TBC1D5: variants seen among roughly 807,000 people sequenced by gnomAD.
The protein encoded by TBC1D5 is TBC1 domain family member 5.
TBC1D5 carries 75 observed loss-of-function variants against 100.3 expected under a neutral mutation model. The ratio of observed to expected loss-of-function variants is 0.75; its 90% CI spans 0.62 to 0.91. The LOEUF (loss-of-function observed/expected upper bound fraction) is 0.91. Among genes scored for constraint, TBC1D5 ranks in the 40% least tolerant of loss-of-function variants. The pLI is 0.00. For missense variants in TBC1D5, 910 were observed against 942.4 expected (o/e 0.97, Z 0.45); for synonymous variants, 323 against 325.6 (o/e 0.99, Z 0.09).
chr3:17,338,083 T>A (rs7622831), intron 13 of TBC1D5, among the ~76,000 whole-genome samples: 1 of 152,102 alleles, frequency 6.6e-6, no homozygotes, highest in African/African-American at 2.4e-5. Context: ...TAAAACAAAC[T>A]GAATAACACG....
At chr3:17,426,947 A>G (rs1374399469) in intron 4 of TBC1D5, among the ~76,000 whole-genome samples, 1 of 151,988 alleles carries the variant, frequency 6.6e-6, no homozygotes, top group Non-Finnish European at 1.5e-5. Context: ...TAGATTTCAT[A>G]TATTACCATA....
intron 18 of TBC1D5, among the ~76,000 whole-genome samples, chr3:17,186,951 T>G (rs2069198591): frequency 6.6e-6 from 1 of 151,574 alleles, no homozygotes; most frequent in South Asian, 2.1e-4. Flanking sequence ...TTTGGAGAGG[T>G]GGGGTTGTCT....
intron 15 of TBC1D5, among the ~76,000 whole-genome samples, chr3:17,279,233 T>C (rs906641848): frequency 3.9e-5 from 6 of 152,232 alleles, no homozygotes; most frequent in African/African-American, 1.4e-4. Context: ...AGATATCTAG[T>C]GAATCCACAA....
chr3:17,446,743 G>A (rs756128272), intron 3 of TBC1D5, among the ~76,000 whole-genome samples: 5 of 152,182 alleles, frequency 3.3e-5, no homozygotes, highest in African/African-American at 9.6e-5. Context: ...AGGCCGAGGC[G>A]GGTGGATCAC....
intron 16 of TBC1D5, among the ~76,000 whole-genome samples, chr3:17,251,173 G>A (rs1430607475): frequency 1.3e-5 from 2 of 150,928 alleles, no homozygotes; most frequent in East Asian, 2.0e-4. Flanking sequence ...ATTCCCTGGC[G>A]ATTTGTTCAT....
intron 1 of TBC1D5, among the ~76,000 whole-genome samples, chr3:17,701,337 G>A (rs1183038212): frequency 6.6e-6 from 1 of 152,120 alleles, no homozygotes; most frequent in Non-Finnish European, 1.5e-5. Flanking sequence ...GGGGTAGGGG[G>A]CTGGAGGAGA....
At chr3:17,380,061 G>A (rs1244329227) in intron 9 of TBC1D5, among the ~76,000 whole-genome samples, 1 of 147,358 alleles carries the variant, frequency 6.8e-6, no homozygotes, top group Non-Finnish European at 1.5e-5. Context: ...GTGTGTGTGT[G>A]TGTGTGTGTG....
chr3:17,676,526 T>G (rs2068658465), intron 1 of TBC1D5, among the ~76,000 whole-genome samples: 1 of 152,160 alleles, frequency 6.6e-6, no homozygotes, highest in Admixed American at 6.5e-5. Context: ...GGAAGAACAT[T>G]CCATGCTCTT....
At chr3:17,279,415 C>T (rs1412740966) in intron 15 of TBC1D5, among the ~76,000 whole-genome samples, 1 of 152,108 alleles carries the variant, frequency 6.6e-6, no homozygotes, top group African/African-American at 2.4e-5. Context: ...GTCCCCTTTC[C>T]CTTAAGAGAC....
Position 17,555,358 on chromosome 3 carries a change from G to A in TBC1D5, c.-35-46753C>T, listed in dbSNP as rs550643006. Among the ~76,000 whole-genome samples, 43 of 152,232 alleles carry A rather than the reference G, an allele frequency of 2.8e-4. 1 individual carries two copies. The highest frequency in any genetic ancestry group is 2.0e-3 in the Admixed American group (30 of 15,294). On this transcript the variant is annotated intron_variant, in intron 2 of 21. Coordinates refer to ENST00000253692, the Ensembl canonical transcript of TBC1D5. Reference sequence around the variant, plus strand: ...TTTTATACGTTTCAGGGATACATACGACATGAATCAATATATGTGAGGTAT... The same window carrying A: ...TTTTATACGTTTCAGGGATACATACAACATGAATCAATATATGTGAGGTAT...
intron 2 of TBC1D5, among the ~76,000 whole-genome samples, chr3:17,591,811 T>C (rs1369431290): frequency 6.6e-6 from 1 of 152,076 alleles, no homozygotes; most frequent in African/African-American, 2.4e-5. Context: ...AGAAAAATAG[T>C]AAACAAAAAT....
intron 3 of TBC1D5, among the ~76,000 whole-genome samples, chr3:17,446,944 C>G (rs2094812247): frequency 1.3e-5 from 2 of 150,980 alleles, no homozygotes; most frequent in Admixed American, 1.3e-4. Context: ...GCACTCCAGC[C>G]TGGGCGACAG....
chr3:17,443,391 C>T (rs569904546), intron 3 of TBC1D5, among the ~76,000 whole-genome samples: 11 of 152,194 alleles, frequency 7.2e-5, no homozygotes, highest in Non-Finnish European at 1.6e-4. Context: ...TACCATAACT[C>T]ATACCCTATA....
intron 1 of TBC1D5, among the ~76,000 whole-genome samples, chr3:17,696,519 G>A (rs533533757): frequency 7.2e-5 from 11 of 152,150 alleles, no homozygotes; most frequent in Middle Eastern, 3.4e-3. Flanking sequence ...ATGAATTCCT[G>A]GATACATACA....
chr3:17,540,905 CAAAAAAAAAAAAAAAAA>C (rs71634807), intron 2 of TBC1D5, among the ~76,000 whole-genome samples: 1 of 31,458 alleles, frequency 3.2e-5, no homozygotes, highest in African/African-American at 1.8e-4. Context: ...GGCTCCATCT[CAAAAAAAAAAAAAAAAA>C]AAAAAAAAAA....
intron 1 of TBC1D5, among the ~76,000 whole-genome samples, chr3:17,684,512 T>G (rs938635985): frequency 1.3e-5 from 2 of 152,204 alleles, no homozygotes; most frequent in Admixed American, 6.5e-5. Flanking sequence ...GACCATGTTG[T>G]GCATATGGCA....
At position 17,183,089 on chromosome 3, in the gene TBC1D5, T is replaced by G. The variant is rs187163289; in HGVS notation, c.1852+2020A>C. On this transcript the variant is annotated intron_variant, in intron 19 of 21. Transcript: ENST00000253692. Reference sequence around the variant, plus strand: ...ACAACAGTCACTTTGCAACCTCCAGTATGCCTGAGATGAAACTCTCCCCCC... The same window carrying G: ...ACAACAGTCACTTTGCAACCTCCAGGATGCCTGAGATGAAACTCTCCCCCC... 3.5e-4 allele frequency among the ~76,000 whole-genome samples: 53 copies of G among 152,206 alleles called. No homozygotes were observed. The East Asian group carries it at 8.5e-3, about 24-fold the overall frequency.
At chr3:17,319,202 C>T (rs1311486348) in intron 13 of TBC1D5, among the ~76,000 whole-genome samples, 1 of 152,162 alleles carries the variant, frequency 6.6e-6, no homozygotes, top group Non-Finnish European at 1.5e-5. Context: ...AGAACCATCA[C>T]ATAAAACACT....
intron 1 of TBC1D5, among the ~76,000 whole-genome samples, chr3:17,627,612 G>C: frequency 6.6e-6 from 1 of 151,492 alleles, no homozygotes; most frequent in East Asian, 1.9e-4. Flanking sequence ...TTAAACAAGC[G>C]GGGTCTTAGA....
Sources: allele counts gnomAD v4.1 joint callset (sites outside exome capture counted in the v4.1 genomes callset), GRCh38; gene constraint gnomAD v4.1.1; transcripts MANE v1.5; gene names NCBI Gene and HGNC (gene_info 2026-07-23, HGNC 2026-07-21).